The following SEL1L3 variants were observed in gnomAD, a reference collection of about 807,000 sequenced individuals.
SEL1L3 encodes the protein SEL1L family member 3.
Under a neutral mutation model 142.8 loss-of-function variants are expected in SEL1L3, and 76 were observed. The observed-to-expected ratio is 0.53, with a 90% CI of 0.44 to 0.64. The LOEUF is 0.64. Among genes scored for constraint, SEL1L3 ranks in the 30% least tolerant of loss-of-function variants. The pLI, the probability that SEL1L3 is intolerant of heterozygous loss-of-function variation, is 0.00. For synonymous variants in SEL1L3, 504 were observed against 519.6 expected (o/e 0.97, Z 0.41); for missense variants, 1,262 against 1,381.7 (o/e 0.91, Z 1.37).
At chr4:25,825,240 G>C (rs537139076) in intron 6 of SEL1L3, among the ~76,000 whole-genome samples, 1 of 152,154 alleles carries the variant, frequency 6.6e-6, no homozygotes, top group South Asian at 2.1e-4. Context: ...TATATGTCCA[G>C]CTTGGTCTCC....
chr4:25,813,063 G>T lies in SEL1L3; in HGVS notation c.1564+5075C>A, dbSNP rs1027367664. On this transcript the variant is annotated intron_variant, in intron 9 of 23. Transcript: ENST00000399878. ...GGAAATAACAAGTGTTTCTGAGGAT[G>T]TGGAGAAATTGGAACCCTTGTGCAC... is the stretch of plus-strand genomic sequence containing the variant. Among the ~76,000 whole-genome samples the T allele has an allele frequency of 2.0e-5, 3 of 152,170 alleles. No homozygotes were observed. The East Asian group carries it at 5.8e-4, about 29-fold the overall frequency.
the SEL1L3 span, among the ~76,000 whole-genome samples, chr4:25,733,441 AT>A: frequency 6.0e-5 from 9 of 149,178 alleles, no homozygotes; most frequent in Non-Finnish European, 1.3e-4. Context: ...TCAAAACATA[AT>A]TTTTTTAATG....
At chr4:25,734,057 G>T in the SEL1L3 span, among the ~76,000 whole-genome samples, 51 of 152,032 alleles carry the variant, frequency 3.4e-4, 1 homozygote, top group South Asian at 9.4e-3. Context: ...TCTCGCTCTG[G>T]CTGTCGCCCA....
chr4:25,816,053 A>G (rs184479571), intron 9 of SEL1L3, among the ~76,000 whole-genome samples: 4 of 148,066 alleles, frequency 2.7e-5, no homozygotes, highest in Admixed American at 2.0e-4. Context: ...TTGTATATAT[A>G]TGAAATACTT....
At chr4:25,779,526 A>T (rs1719859244) in intron 15 of SEL1L3, among the ~76,000 whole-genome samples, 1 of 152,250 alleles carries the variant, frequency 6.6e-6, no homozygotes, top group South Asian at 2.1e-4. Flanking sequence ...AAGTCAAACC[A>T]GGTGAAAATC....
intron 10 of SEL1L3, 84 bp downstream of exon 10, chr4:25,804,450 CAACATGT>C (rs1186315160): frequency 3.5e-4 from 324 of 928,530 alleles, no homozygotes; most frequent in Non-Finnish European, 5.3e-4. Flanking sequence ...CAAGGAGCTG[CAACATGT>C]CCAGTTCTAC....
intron 16 of SEL1L3, chr4:25,776,869 G>A (rs1349891241): frequency 6.6e-6 from 1 of 151,752 alleles, no homozygotes; most frequent in African/African-American, 2.4e-5. Context: ...TACAAAGGAA[G>A]GGTAAGAAAA....
intron 15 of SEL1L3, among the ~76,000 whole-genome samples, chr4:25,779,605 G>A (rs1282750592): frequency 6.6e-6 from 1 of 152,204 alleles, no homozygotes; most frequent in African/African-American, 2.4e-5. Flanking sequence ...TGCATTTCCA[G>A]TAGGAAGGTG....
intron 9 of SEL1L3, among the ~76,000 whole-genome samples, chr4:25,811,748 G>A (rs1215178356): frequency 8.2e-6 from 1 of 121,612 alleles, no homozygotes; most frequent in Non-Finnish European, 1.8e-5. Flanking sequence ...TTCTTTTCCT[G>A]TTTTTTTTTT....
At chr4:25,832,529 G>A (rs1715513514) in intron 5 of SEL1L3, among the ~76,000 whole-genome samples, 1 of 152,220 alleles carries the variant, frequency 6.6e-6, no homozygotes. Flanking sequence ...GGTTATTATG[G>A]TCTGTTTAAT....
chr4:25,818,351 T>G (rs764503383), intron 8 of SEL1L3, 73 bp from the exon 9 acceptor site: 50 of 1,301,292 alleles, frequency 3.8e-5, no homozygotes, highest in Admixed American at 6.1e-5. Flanking sequence ...AAAGCCCTTC[T>G]TCCTAACAGG....
the SEL1L3 span, among the ~76,000 whole-genome samples, chr4:25,726,517 G>C: frequency 1.9e-4 from 23 of 123,588 alleles, no homozygotes; most frequent in African/African-American, 7.5e-4. Context: ...GACAGAGCAA[G>C]ACTTGGTCTC....
At chr4:25,799,791 C>T (rs184532623) in intron 11 of SEL1L3, among the ~76,000 whole-genome samples, 29 of 152,160 alleles carry the variant, frequency 1.9e-4, no homozygotes, top group African/African-American at 5.3e-4. Flanking sequence ...GTGACAATGA[C>T]GGCAGATGGG....
intron 17 of SEL1L3, 110 bp downstream of exon 17, chr4:25,776,167 T>C: frequency 1.5e-6 from 1 of 656,212 alleles, no homozygotes; most frequent in Non-Finnish European, 2.7e-6. Context: ...TACTGGGAGC[T>C]GTGATTTCCC....
intron 9 of SEL1L3, 26 bp downstream of exon 9, chr4:25,818,112 T>C (rs754898447): frequency 8.1e-6 from 13 of 1,607,574 alleles, no homozygotes; most frequent in African/African-American, 1.3e-5. Flanking sequence ...AACCAGCGCC[T>C]AAAGCCGAGG....
Position 25,833,432 on chromosome 4 carries a change from T to C in SEL1L3, c.982+16A>G. The C allele has an allele frequency of 6.2e-7, 1 of 1,603,690 alleles. No homozygotes were observed. The highest frequency in any genetic ancestry group is 1.3e-5 in the African/African-American group (1 of 74,486). On this transcript the variant is annotated intron_variant, in intron 4 of 23. Coordinates refer to ENST00000399878, the MANE Select transcript of SEL1L3 (RefSeq NM_015187.5). ...AAAATTACAATATCATTTTAAAGGT[T>C]CTGTTTTATACTCACCCTCTTCCGT...
chr4:25,748,724 A>G (rs1717403099), intron 23 of SEL1L3, among the ~76,000 whole-genome samples, 160 bp from the exon 24 acceptor site: 1 of 152,224 alleles, frequency 6.6e-6, no homozygotes, highest in African/African-American at 2.4e-5. Context: ...TCTAAGTTTA[A>G]GAAGATGCCA....
At chr4:25,832,363 A>G (rs997607055) in intron 5 of SEL1L3, among the ~76,000 whole-genome samples, 6 of 152,256 alleles carry the variant, frequency 3.9e-5, no homozygotes, top group African/African-American at 1.2e-4. Flanking sequence ...CACACTGTGT[A>G]TATTGAGAAA....
At chr4:25,830,853 G>A (rs1041677345) in intron 5 of SEL1L3, among the ~76,000 whole-genome samples, 3 of 152,170 alleles carry the variant, frequency 2.0e-5, no homozygotes, top group Non-Finnish European at 4.4e-5. Context: ...CATACAACAT[G>A]TTGGTTCAGA....
Sources: allele counts gnomAD v4.1 joint callset (sites outside exome capture counted in the v4.1 genomes callset), GRCh38; gene constraint gnomAD v4.1.1; transcripts MANE v1.5; gene names NCBI Gene and HGNC (gene_info 2026-07-23, HGNC 2026-07-21).